Variants in CLCNKB observed in about 807,000 individuals in gnomAD.
The protein encoded by CLCNKB is chloride channel protein ClC-Kb.
Under a neutral mutation model 83.8 loss-of-function variants are expected in CLCNKB, and 74 were observed. That is an observed-to-expected ratio of 0.88 (90% CI 0.73 to 1.07). CLCNKB has a LOEUF of 1.07. CLCNKB is among the 50% of genes least tolerant of loss of function. The pLI, the probability that CLCNKB is intolerant of heterozygous loss-of-function variation, is 0.00. For missense variants in CLCNKB, 798 were observed against 893.6 expected, an observed-to-expected ratio of 0.89 and a Z score of 1.36; for synonymous variants, 358 against 356.6, an observed-to-expected ratio of 1.00 and a Z score of -0.04.
At position 16,052,333 on chromosome 1, in the gene CLCNKB, G is replaced by A. The variant is rs1402571751; in HGVS notation, c.1544G>A (p.Cys515Tyr). The change falls in exon 15 of 20, where the codon TGC (cysteine) becomes TAC (tyrosine). Residue 515 changes from cysteine (C) to tyrosine (Y), a missense_variant. Coordinates refer to ENST00000375679, the MANE Select transcript of CLCNKB (RefSeq NM_000085.5). ...GCAGCCAACGCCATTGCACAGAGCT[G>A]CCAGCCCTCCTTCTATGATGGCACC... ...VLAANAIAQS[C>Y]QPSFYDGTVI... The A allele has an allele frequency of 6.2e-7, 1 of 1,613,182 alleles. No homozygotes were observed. The highest frequency in any genetic ancestry group is 1.7e-5 in the Admixed American group (1 of 60,034).
intron 7 of CLCNKB, 34 bp from the exon 8 acceptor site, chr1:16,049,086 T>A (rs1172524014): frequency 6.2e-7 from 1 of 1,611,976 alleles, no homozygotes. Flanking sequence ...TGGGTGGGGG[T>A]GGAGGGCCCA....
chr1:16,047,875 C>A, intron 4 of CLCNKB, 30 bp from the exon 5 acceptor site: 1 of 1,611,428 alleles, frequency 6.2e-7, no homozygotes, highest in Non-Finnish European at 8.5e-7. Context: ...AGAGATTGTC[C>A]CCCTCCTGGC....
intron 10 of CLCNKB, among the ~76,000 whole-genome samples, chr1:16,050,309 T>C (rs1234786832): frequency 1.3e-5 from 2 of 152,102 alleles, no homozygotes; most frequent in African/African-American, 4.8e-5. Flanking sequence ...AGCCTGCCTG[T>C]GCCCCAATTC....
chr1:16,044,534 C>G lies in CLCNKB; in HGVS notation c.42C>G (p.Asn14Lys). ...GGCTGCGTGAAGGCTCCTCAGGGAA[C>G]CCTGTGACTCTGCAGGAGCTGTGGG... The part of the protein sequence containing the change: ...FVGLREGSSG[N>K]PVTLQELWGP... Residue 14 changes from asparagine to lysine, a missense_variant, in exon 2 of 20, where the codon AAC becomes AAG. Asn to Lys is a moderately conservative substitution (Grantham distance 94). Transcript: ENST00000375679. The G allele has an allele frequency of 1.2e-6, 2 of 1,607,304 alleles. No homozygotes were observed. The highest frequency in any genetic ancestry group is 1.7e-6 in the Non-Finnish European group (2 of 1,177,696).
At chr1:16,051,394 T>C (rs2023285330) in intron 12 of CLCNKB, 84 bp from the exon 13 acceptor site, 2 of 1,501,364 alleles carry the variant, frequency 1.3e-6, no homozygotes, top group Admixed American at 1.7e-5. Flanking sequence ...TCTAGGACAC[T>C]CCCCTGTCCC....
At position 16,048,423 on chromosome 1, in the gene CLCNKB, TA is replaced by T. The variant is rs1314407815; in HGVS notation, c.576+4del. The stretch of plus-strand genomic sequence containing the variant: ...CCACGACCATCGGGGAGCCTGAGGT[TA>T]GGGACTCGGGGGCTTCCTTGGAGAA... On this transcript the variant is annotated splice_donor_region_variant and intron_variant, in intron 6 of 19. Coordinates refer to ENST00000375679, the MANE Select transcript of CLCNKB (RefSeq NM_000085.5). 1 of 1,613,882 alleles carries T rather than the reference TA, an allele frequency of 6.2e-7. No homozygotes were observed. Among genetic ancestry groups the T allele is most frequent in the Admixed American group, 1.7e-5 (1 of 60,006 alleles).
At chr1:16,048,987 C>T (rs778340257) in intron 7 of CLCNKB, 133 bp from the exon 8 acceptor site, 3 of 1,584,694 alleles carry the variant, frequency 1.9e-6, no homozygotes, top group South Asian at 2.2e-5. Flanking sequence ...CTGCCCTCCC[C>T]TCCTGTCTGT....
In CLCNKB at chr1:16,045,775, AG is replaced by A. The variant is rs1460238477; in HGVS notation, c.229+91del. The A allele has an allele frequency of 1.1e-5, 5 of 471,818 alleles. No individual in the cohort carries two copies. The Admixed American group carries it at 1.5e-4, about 14-fold the overall frequency. The allele number at this position is 471,818 out of a possible 1,614,324, so 29.2% of individuals were successfully genotyped here. A position where few individuals can be genotyped will look rare whatever the true frequency, so the allele number is the denominator to read the frequency against. On this transcript the variant is annotated intron_variant, in intron 3 of 19. Coordinates refer to ENST00000375679, the MANE Select transcript of CLCNKB (RefSeq NM_000085.5). Reference sequence around the variant, plus strand: ...AGGTGGATGTCGCCAGGTGCAGCGGAGGTTGGGGGGGGTGCTCTGGGTGGGG... The same window carrying A: ...AGGTGGATGTCGCCAGGTGCAGCGGAGTTGGGGGGGGTGCTCTGGGTGGGG...
At chr1:16,056,238 C>A (rs936551446) in intron 18 of CLCNKB, among the ~76,000 whole-genome samples, 184 bp from the exon 19 acceptor site, 2 of 152,112 alleles carry the variant, frequency 1.3e-5, no homozygotes, top group African/African-American at 4.8e-5. Flanking sequence ...GCGGCCCCGC[C>A]CAGACCCTTG....
chr1:16,044,935 G>A (rs555784250), intron 2 of CLCNKB, among the ~76,000 whole-genome samples: 306 of 152,346 alleles, frequency 2.0e-3, no homozygotes, highest in African/African-American at 7.0e-3. Context: ...GCAAGGGGCT[G>A]GGGCAGCCTA....
At chr1:16,054,346 G>T (rs1180402604) in intron 16 of CLCNKB, among the ~76,000 whole-genome samples, 8 of 152,158 alleles carry the variant, frequency 5.3e-5, no homozygotes, top group Non-Finnish European at 5.9e-5. Context: ...GAGACAAGCT[G>T]CACACCTGGC....
intron 15 of CLCNKB, among the ~76,000 whole-genome samples, chr1:16,052,683 C>G (rs1424145207): frequency 6.6e-6 from 1 of 152,186 alleles, no homozygotes; most frequent in Non-Finnish European, 1.5e-5. Context: ...GAAACCGGGG[C>G]TCAGAGAGGT....
At position 16,049,878 on chromosome 1, in the gene CLCNKB, C is replaced by T. The variant is rs1292400273; in HGVS notation, c.930C>T (p.Ile310=). 2 of 1,613,830 alleles carry T rather than the reference C, an allele frequency of 1.2e-6. No homozygotes were observed. Among genetic ancestry groups the T allele is most frequent in the African/African-American group, 1.3e-5 (1 of 74,828 alleles). The change falls in exon 10 of 20, where the codon ATC becomes ATT. Residue 310 remains isoleucine (I), a synonymous_variant. Transcript: ENST00000375679. The part of the protein sequence containing the change: ...LFCQRIFFGF[I]RNNRFSSKLL... ...GTCAGCGAATCTTCTTTGGCTTCAT[C>T]AGGAACAATAGGTTCAGCTCCAAAC...
At position 16,047,924 on chromosome 1, in the gene CLCNKB, G is replaced by C; in HGVS notation, c.378G>C (p.Val126=). 6.2e-7 allele frequency: 1 copy of C among 1,613,890 alleles called. No individual in the cohort carries two copies. Among genetic ancestry groups the C allele is most frequent in the Non-Finnish European group, 8.5e-7 (1 of 1,180,024 alleles). The change falls in exon 5 of 20, where the codon GTG becomes GTC. Residue 126 remains valine, a synonymous_variant. Transcript: ENST00000375679. ...GCCAAGGTTCTGGAATCCCGGAGGTGAAGACCATGTTGGCGGGTGTGGTCT... is the reference window on the plus strand; with the variant it reads ...GCCAAGGTTCTGGAATCCCGGAGGTCAAGACCATGTTGGCGGGTGTGGTCT... ...PSSGGSGIPE[V]KTMLAGVVLE...
chr1:16,045,789 G>GC, intron 3 of CLCNKB, 103 bp downstream of exon 3: 4 of 589,676 alleles, frequency 6.8e-6, no homozygotes, highest in Non-Finnish European at 1.1e-5. Flanking sequence ...TGGGGGGGGT[G>GC]CTCTGGGTGG....
intron 13 of CLCNKB, 41 bp from the exon 14 acceptor site, chr1:16,051,669 C>G (rs748649020): frequency 6.2e-7 from 1 of 1,605,260 alleles, no homozygotes; most frequent in Non-Finnish European, 8.5e-7. Context: ...CTGTGGGGGC[C>G]GGGTCAGCCT....
rs112417370 is a variant in CLCNKB, at chr1:16,055,514, T to C, written c.1836T>C (p.Pro612=). The change falls in exon 17 of 20, where the codon CCT becomes CCC. Residue 612 remains proline, a synonymous_variant. Coordinates refer to ENST00000375679, the MANE Select transcript of CLCNKB (RefSeq NM_000085.5). The part of the protein sequence containing the change: ...ALKAEPPSWA[P]GHQQCLQDIL... ...AGGCTGAGCCTCCTTCCTGGGCTCC[T>C]GGACACCAGGTGGGTACTCCTGAGG... 3 of 1,560,736 alleles carry C rather than the reference T, an allele frequency of 1.9e-6. No homozygotes were observed. The highest frequency in any genetic ancestry group is 2.8e-5 in the African/African-American group (2 of 70,864).
At chr1:16,056,185 T>C (rs555206136) in intron 18 of CLCNKB, among the ~76,000 whole-genome samples, 8 of 152,044 alleles carry the variant, frequency 5.3e-5, no homozygotes, top group African/African-American at 1.9e-4. Flanking sequence ...CCCCGCCCCC[T>C]CTGTGCTGCT....
At chr1:16,048,741 G>A in intron 7 of CLCNKB, 159 bp downstream of exon 7, 1 of 1,475,618 alleles carries the variant, frequency 6.8e-7, no homozygotes, top group African/African-American at 1.4e-5. Flanking sequence ...CCCACCGGGG[G>A]GAGGGGGGGC....
Sources: allele counts gnomAD v4.1 joint callset (sites outside exome capture counted in the v4.1 genomes callset), GRCh38; gene constraint gnomAD v4.1.1; transcripts MANE v1.5; gene names NCBI Gene and HGNC (gene_info 2026-07-23, HGNC 2026-07-21).